CDH13: variants seen among roughly 807,000 people sequenced by gnomAD.
CDH13 encodes the protein cadherin-13.
Under a neutral mutation model 63.8 loss-of-function variants are expected in CDH13, and 24 were observed. The observed-to-expected ratio is 0.38, with a 90% CI of 0.27 to 0.53. The LOEUF (loss-of-function observed/expected upper bound fraction) is 0.53, where lower values mean the gene tolerates loss of function less well. CDH13 is among the 20% of genes least tolerant of loss of function. The pLI is 0.85. For missense variants in CDH13, 1,049 were observed against 903.1 expected (o/e 1.16, Z -2.07); for synonymous variants, 503 against 355.3 (o/e 1.42, Z -4.67).
chr16:82,883,547 A>G (rs1464392688), intron 2 of CDH13, among the ~76,000 whole-genome samples: 2 of 152,244 alleles, frequency 1.3e-5, no homozygotes, highest in African/African-American at 4.8e-5. Context: ...ACACTGAAAT[A>G]GCAAACCCAT....
At chr16:82,849,091 C>G (rs1280249953) in intron 1 of CDH13, among the ~76,000 whole-genome samples, 7 of 152,140 alleles carry the variant, frequency 4.6e-5, no homozygotes, top group Non-Finnish European at 7.3e-5. Flanking sequence ...TGAGCAAGGC[C>G]TTAACTCTAT....
At chr16:82,952,968 A>G (rs553639606) in intron 2 of CDH13, among the ~76,000 whole-genome samples, 8 of 152,238 alleles carry the variant, frequency 5.3e-5, no homozygotes, top group African/African-American at 1.4e-4. Context: ...AATTCAGAGG[A>G]CTAAGCAAAT....
At chr16:83,582,213 G>A (rs1245876443) in intron 7 of CDH13, among the ~76,000 whole-genome samples, 2 of 152,314 alleles carry the variant, frequency 1.3e-5, no homozygotes, top group South Asian at 2.1e-4. Flanking sequence ...CTTCTGCAGG[G>A]CAATGCTGGG....
At chr16:83,139,441 C>G (rs1363071120) in intron 4 of CDH13, among the ~76,000 whole-genome samples, 1 of 152,166 alleles carries the variant, frequency 6.6e-6, no homozygotes, top group Non-Finnish European at 1.5e-5. Flanking sequence ...TCTTAGTGAT[C>G]TCTTCTTTGA....
intron 4 of CDH13, among the ~76,000 whole-genome samples, chr16:83,207,763 A>T (rs796249081): frequency 8.7e-6 from 1 of 114,300 alleles, no homozygotes; most frequent in Admixed American, 8.1e-5. Context: ...TACTCTCCTT[A>T]AAAAAAAAAA....
intron 1 of CDH13, among the ~76,000 whole-genome samples, chr16:82,796,511 T>A (rs1455934993): frequency 1.3e-5 from 2 of 152,200 alleles, no homozygotes; most frequent in East Asian, 3.8e-4. Context: ...CATCGTGGAA[T>A]TTACATTCTA....
chr16:83,309,742 A>C (rs188636460), intron 5 of CDH13, among the ~76,000 whole-genome samples: 20 of 151,702 alleles, frequency 1.3e-4, no homozygotes, highest in African/African-American at 4.3e-4. Context: ...GTATGGAAGC[A>C]CTCATGAGGA....
At chr16:83,781,084 T>A (rs1915487941) in intron 12 of CDH13, among the ~76,000 whole-genome samples, 1 of 152,204 alleles carries the variant, frequency 6.6e-6, no homozygotes, top group African/African-American at 2.4e-5. Context: ...GACTTTGATG[T>A]CTTCTTCCAT....
At chr16:83,133,533 C>G (rs2036148146) in intron 4 of CDH13, among the ~76,000 whole-genome samples, 2 of 152,194 alleles carry the variant, frequency 1.3e-5, no homozygotes, top group South Asian at 2.1e-4. Flanking sequence ...GAGTCTTGCT[C>G]TGTCACCCAC....
chr16:83,313,800 A>C (rs765311686), intron 5 of CDH13, among the ~76,000 whole-genome samples: 1 of 152,190 alleles, frequency 6.6e-6, no homozygotes, highest in Non-Finnish European at 1.5e-5. Flanking sequence ...TTGGCTAAGG[A>C]AGAACAGTTA....
intron 5 of CDH13, among the ~76,000 whole-genome samples, chr16:83,287,042 C>T (rs1362143752): frequency 1.3e-5 from 2 of 152,164 alleles, no homozygotes; most frequent in South Asian, 4.1e-4. Context: ...TTAGGGCCAC[C>T]TTCATGAGCG....
chr16:82,631,927 C>A (rs918054514), intron 1 of CDH13, among the ~76,000 whole-genome samples: 5 of 152,178 alleles, frequency 3.3e-5, no homozygotes, highest in African/African-American at 1.2e-4. Context: ...CCCAAACCTG[C>A]AACTCTGGCT....
Position 82,983,215 on chromosome 16 carries a change from G to A in CDH13, c.158-48795G>A, listed in dbSNP as rs555947463. Reference sequence around the variant, plus strand: ...GGCCTTGCAGGACCTTTCTTAGACTGCAGAGAAGTCCAGAACACTTTTTAC... The same window carrying A: ...GGCCTTGCAGGACCTTTCTTAGACTACAGAGAAGTCCAGAACACTTTTTAC... On this transcript the variant is annotated intron_variant, in intron 2 of 13. Coordinates refer to ENST00000567109, the MANE Select transcript of CDH13 (RefSeq NM_001257.5). Among the ~76,000 whole-genome samples the A allele has an allele frequency of 3.3e-5, 5 of 152,258 alleles. No individual in the cohort carries two copies. In the South Asian group the frequency reaches 1.0e-3, roughly 32 times the overall value.
intron 6 of CDH13, among the ~76,000 whole-genome samples, chr16:83,458,930 A>G (rs959208512): frequency 8.5e-5 from 13 of 152,266 alleles, no homozygotes; most frequent in Admixed American, 6.5e-5. Context: ...AGAGAAGGGT[A>G]TATTATTATG....
intron 1 of CDH13, among the ~76,000 whole-genome samples, chr16:82,747,281 T>C (rs943202188): frequency 1.3e-5 from 2 of 152,174 alleles, no homozygotes; most frequent in Non-Finnish European, 2.9e-5. Context: ...CCTATGGAAT[T>C]GGAATCTACA....
At chr16:83,171,457 G>C in intron 4 of CDH13, 5 of 1,328,066 alleles carry the variant, frequency 3.8e-6, no homozygotes, top group Non-Finnish European at 5.2e-6. Flanking sequence ...CATATCAAAA[G>C]CTTTTCTAAT....
At chr16:83,058,727 C>G (rs1174743186) in intron 3 of CDH13, among the ~76,000 whole-genome samples, 5 of 152,128 alleles carry the variant, frequency 3.3e-5, no homozygotes, top group Non-Finnish European at 5.9e-5. Context: ...TAGTGCATTA[C>G]AAACTAGAAA....
chr16:83,631,253 G>T (rs1251970315), intron 8 of CDH13, among the ~76,000 whole-genome samples: 2 of 152,178 alleles, frequency 1.3e-5, no homozygotes, highest in African/African-American at 4.8e-5. Context: ...CTGGAATTGA[G>T]CAATAAAACT....
In CDH13 at chr16:82,886,407, A is replaced by T. The variant is rs938779585; in HGVS notation, c.157+27934A>T. ...TTGCCAGTGTATGTGTTATCACTGC[A>T]AACGTTTGCCATTTCGGTAGACAAA... On this transcript the variant is annotated intron_variant, in intron 2 of 13. Transcript: ENST00000567109. 8.5e-5 allele frequency among the ~76,000 whole-genome samples: 13 copies of T among 152,348 alleles called. No homozygotes were observed. The South Asian group carries it at 1.5e-3, about 17-fold the overall frequency.
Sources: allele counts gnomAD v4.1 joint callset (sites outside exome capture counted in the v4.1 genomes callset), GRCh38; gene constraint gnomAD v4.1.1; transcripts MANE v1.5; gene names NCBI Gene and HGNC (gene_info 2026-07-23, HGNC 2026-07-21).